Variants in ERC2 observed in about 807,000 individuals in gnomAD.
ERC2 encodes ELKS/RAB6-interacting/CAST family member 2, also known as ERC protein 2.
A neutral mutation model predicts 114.8 loss-of-function variants in ERC2; 42 were observed. The observed-to-expected ratio is 0.37, with a 90% CI of 0.29 to 0.47. ERC2 has a LOEUF of 0.47. ERC2 is among the 20% of genes least tolerant of loss of function. ERC2 has a pLI of 0.99. For missense variants in ERC2, 939 were observed against 1,150.7 expected, an observed-to-expected ratio of 0.82 and a Z score of 2.66; for synonymous variants, 454 against 425.5, an observed-to-expected ratio of 1.07 and a Z score of -0.82.
intron 3 of ERC2, among the ~76,000 whole-genome samples, chr3:56,221,614 C>T (rs2049916810): frequency 6.6e-6 from 1 of 152,118 alleles, no homozygotes; most frequent in African/African-American, 2.4e-5. Context: ...TGCATAAAAT[C>T]TAAAAAGCAG....
intron 14 of ERC2, among the ~76,000 whole-genome samples, chr3:55,833,484 C>G (rs1211989134): frequency 1.3e-5 from 2 of 152,042 alleles, no homozygotes; most frequent in Non-Finnish European, 2.9e-5. Context: ...AATTTTCAAC[C>G]CAGAATTTCA....
chr3:56,103,052 A>C (rs905872275), intron 6 of ERC2, among the ~76,000 whole-genome samples: 45 of 152,134 alleles, frequency 3.0e-4, no homozygotes, highest in African/African-American at 1.0e-3. Context: ...TACCTGTTAA[A>C]ATAGGGGAGG....
At chr3:55,836,578 C>A (rs2060894855) in intron 14 of ERC2, among the ~76,000 whole-genome samples, 1 of 152,110 alleles carries the variant, frequency 6.6e-6, no homozygotes, top group Non-Finnish European at 1.5e-5. Flanking sequence ...TGGATCCCTT[C>A]CTTACACCTT....
chr3:56,325,716 G>A (rs2057332726), intron 2 of ERC2, among the ~76,000 whole-genome samples: 1 of 152,258 alleles, frequency 6.6e-6, no homozygotes, highest in Non-Finnish European at 1.5e-5. Flanking sequence ...CCTGCACTGA[G>A]CCCTATGCTA....
intron 17 of ERC2, among the ~76,000 whole-genome samples, chr3:55,631,160 G>T (rs7615993): frequency 0.22 from 33,465 of 149,730 alleles, 3,793 homozygotes; most frequent in East Asian, 0.42. Context: ...AGTATTTGGG[G>T]TTTTTTTTTT....
intron 17 of ERC2, among the ~76,000 whole-genome samples, chr3:55,674,451 T>C (rs771060787): frequency 2.0e-5 from 3 of 152,196 alleles, no homozygotes; most frequent in Non-Finnish European, 4.4e-5. Flanking sequence ...TTGAGAAAAT[T>C]TTTTTCCTGA....
intron 6 of ERC2, among the ~76,000 whole-genome samples, chr3:56,111,124 T>C (rs145916873): frequency 3.9e-5 from 6 of 152,238 alleles, no homozygotes; most frequent in Non-Finnish European, 8.8e-5. Context: ...AAGGAATGTG[T>C]CCTGGTGTGT....
At chr3:55,730,330 T>A (rs999083400) in intron 15 of ERC2, among the ~76,000 whole-genome samples, 2 of 152,212 alleles carry the variant, frequency 1.3e-5, no homozygotes, top group East Asian at 3.9e-4. Flanking sequence ...TATAGATGAT[T>A]CCCCAGCACT....
At chr3:55,563,667 C>T (rs1291596147) in intron 17 of ERC2, among the ~76,000 whole-genome samples, 1 of 152,204 alleles carries the variant, frequency 6.6e-6, no homozygotes, top group Non-Finnish European at 1.5e-5. Context: ...TATCTTTCCC[C>T]CAGCCATCTA....
chr3:56,326,733 T>G (rs1338018524), intron 2 of ERC2, among the ~76,000 whole-genome samples: 2 of 152,094 alleles, frequency 1.3e-5, no homozygotes, highest in African/African-American at 2.4e-5. Flanking sequence ...CTCAGCAGAG[T>G]TGGTGGGCTG....
intron 17 of ERC2, among the ~76,000 whole-genome samples, chr3:55,654,603 G>C (rs996471205): frequency 1.3e-5 from 2 of 152,202 alleles, no homozygotes; most frequent in African/African-American, 2.4e-5. Flanking sequence ...ATGGAGTCTC[G>C]CAGATCTTTC....
intron 14 of ERC2, among the ~76,000 whole-genome samples, chr3:55,859,589 T>C (rs1295552614): frequency 6.6e-6 from 1 of 152,110 alleles, no homozygotes; most frequent in African/African-American, 2.4e-5. Context: ...TTTGTTTTTT[T>C]AGCATGTGGT....
rs190998528 is a variant in ERC2 at position 55,583,906 on chromosome 3, G to T, written c.*40-72630C>A. Among the ~76,000 whole-genome samples, 3 of 152,118 alleles carry T rather than the reference G, an allele frequency of 2.0e-5. No homozygotes were observed. The East Asian group carries it at 5.8e-4, about 30-fold the overall frequency. ...CTTGCTAGCCCCCCTCCCAAAACAGGTACAGGGTTAGGAGTCAAGCTCCCA... is the reference window on the plus strand; with the variant it reads ...CTTGCTAGCCCCCCTCCCAAAACAGTTACAGGGTTAGGAGTCAAGCTCCCA... On this transcript the variant is annotated intron_variant, in intron 17 of 17. Transcript: ENST00000288221.
chr3:55,610,368 T>C (rs1045616249), intron 17 of ERC2, among the ~76,000 whole-genome samples: 5 of 152,200 alleles, frequency 3.3e-5, no homozygotes, highest in Non-Finnish European at 7.3e-5. Context: ...TGTAGTATTA[T>C]GTTGTGAGAC....
chr3:55,516,060 A>G (rs1316842451), intron 17 of ERC2, among the ~76,000 whole-genome samples: 1 of 152,212 alleles, frequency 6.6e-6, no homozygotes, highest in East Asian at 1.9e-4. Flanking sequence ...ACACCCATTC[A>G]CGACGGCTTC....
intron 3 of ERC2, among the ~76,000 whole-genome samples, chr3:56,259,131 C>T (rs1276769271): frequency 2.0e-5 from 3 of 151,852 alleles, no homozygotes; most frequent in Non-Finnish European, 4.4e-5. Flanking sequence ...TGCCACCGTG[C>T]CTGGCTAATT....
At chr3:56,081,027 G>C in intron 6 of ERC2, 43 bp from the exon 7 acceptor site, 1 of 1,598,958 alleles carries the variant, frequency 6.3e-7, no homozygotes, top group Non-Finnish European at 8.5e-7. Flanking sequence ...TTTACAGAAA[G>C]GTCATCAATA....
chr3:56,028,929 C>T (rs778199880), intron 7 of ERC2, among the ~76,000 whole-genome samples: 2 of 151,960 alleles, frequency 1.3e-5, no homozygotes, highest in East Asian at 1.9e-4. Flanking sequence ...AACAGATGTT[C>T]GCTATAGGTT....
intron 15 of ERC2, among the ~76,000 whole-genome samples, chr3:55,714,069 G>A (rs1272772739): frequency 6.6e-6 from 1 of 152,140 alleles, no homozygotes; most frequent in African/African-American, 2.4e-5. Flanking sequence ...TGCAATCTAG[G>A]TGAGGACCAA....
Sources: gnomAD v4.1 joint callset for allele counts (sites outside exome capture counted in the v4.1 genomes callset) on GRCh38, gnomAD v4.1.1 for gene constraint, MANE v1.5 for transcripts, NCBI Gene and HGNC (gene_info 2026-07-23, HGNC 2026-07-21) for gene names.